LRRC15: variants seen among roughly 807,000 people sequenced by gnomAD.
LRRC15 encodes the protein leucine-rich repeat-containing protein 15.
A neutral mutation model predicts 4.3 loss-of-function variants in LRRC15; 5 were observed. The ratio of observed to expected loss-of-function variants is 1.16; its 90% CI spans 0.61 to 2.44. The LOEUF is 2.44. LRRC15 is among the 30% of genes most tolerant of loss of function. The probability of loss-of-function intolerance (pLI) is 0.01; values close to 1 mark genes in which losing one functional copy is unlikely to be tolerated. For missense variants in LRRC15, 769 were observed against 747.0 expected (o/e 1.03, Z -0.34); for synonymous variants, 337 against 323.2 (o/e 1.04, Z -0.46).
In LRRC15 at chr3:194,366,868, G is replaced by A. The variant is rs141570845; in HGVS notation, c.-4+2793C>T. Among the ~76,000 whole-genome samples the A allele has an allele frequency of 5.1e-3, 775 of 152,236 alleles. 4 individuals are homozygous for A. The highest frequency in any genetic ancestry group is 0.017 in the African/African-American group (690 of 41,538). ...AGACTTGCCCAAGGTCACACAGTCC[G>A]TTGGGGACTCCTGACACCCGATCAG... On this transcript the variant is annotated intron_variant, in intron 1 of 1. Coordinates refer to ENST00000347624, the MANE Select transcript of LRRC15 (RefSeq NM_130830.5).
At chr3:194,367,302 T>A (rs1713809802) in intron 1 of LRRC15, among the ~76,000 whole-genome samples, 1 of 151,758 alleles carries the variant, frequency 6.6e-6, no homozygotes, top group Non-Finnish European at 1.5e-5. Flanking sequence ...TTTATTTTTT[T>A]ATTTTTATTT....
intron 1 of LRRC15, among the ~76,000 whole-genome samples, chr3:194,368,695 C>T (rs938871661): frequency 4.6e-5 from 7 of 152,108 alleles, no homozygotes; most frequent in Non-Finnish European, 7.3e-5. Flanking sequence ...CTGGAGCACA[C>T]GTGTCATCTC....
rs780044136 is a variant in LRRC15, at chr3:194,360,035, A to G, written c.1009T>C (p.Phe337Leu). 6.2e-7 allele frequency: 1 copy of G among 1,614,216 alleles called. No homozygotes were observed. Among genetic ancestry groups the G allele is most frequent in the Non-Finnish European group, 8.5e-7 (1 of 1,180,038 alleles). The change falls in exon 2 of 2, where the codon TTC (phenylalanine) becomes CTC (leucine). Residue 337 changes from phenylalanine (F) to leucine (L), a missense_variant. Transcript: ENST00000347624. The stretch of plus-strand genomic sequence containing the variant: ...TCCCGAAGCTCCGTTAGCCCGTTGA[A>G]GGCACCCGGGGAGATGAAGCTGATC... ...NQISFISPGAFNGLTELRELS... is the reference protein window; with the variant it reads ...NQISFISPGALNGLTELRELS...
In LRRC15 at chr3:194,355,371, G is replaced by C. The variant is rs1241748615; in HGVS notation, c.*3927C>G. On this transcript the variant is annotated 3_prime_UTR_variant, in exon 2 of 2. Transcript: ENST00000347624. ...CACTCTACAAAACCCTGAGGGCCTA[G>C]AAATCTGTAAATGCATCGCCAAGCA... 1 of 152,250 alleles carries C rather than the reference G, an allele frequency of 6.6e-6. No individual in the cohort carries two copies. Among genetic ancestry groups the C allele is most frequent in the Non-Finnish European group, 1.5e-5 (1 of 68,052 alleles). The allele number at this position is 152,250 out of a possible 1,614,324, so 9.4% of individuals were successfully genotyped here.
rs368488576 is a variant in LRRC15 at position 194,359,342 on chromosome 3, T to G, written c.1702A>C (p.Ser568Arg). ...CVGCCCCKKRSQAVLMQMKAP... is the reference protein window; with the variant it reads ...CVGCCCCKKRRQAVLMQMKAP... ...TTCATCTGCATCAGGACAGCTTGGC[T>G]CCTCTTCTTGCAGCAGCAACAGCCG... Residue 568 changes from serine (S) to arginine (R), a missense_variant, in exon 2 of 2, where the codon AGC becomes CGC. Transcript: ENST00000347624. 1.2e-6 allele frequency: 2 copies of G among 1,613,160 alleles called. No individual in the cohort carries two copies. Among genetic ancestry groups the G allele is most frequent in the Non-Finnish European group, 8.5e-7 (1 of 1,179,588 alleles).
intron 1 of LRRC15, among the ~76,000 whole-genome samples, chr3:194,361,366 C>T (rs186583523): frequency 5.3e-5 from 8 of 152,358 alleles, no homozygotes; most frequent in Admixed American, 2.6e-4. Flanking sequence ...ATCAGTTACC[C>T]TTCCATGAAG....
rs3796153 is a variant in LRRC15, at chr3:194,356,764, T to G, written c.*2534A>C. ...AAGATTGGCAGGGCCCACCGGATGATGAGGTTTCCCACCTCCCTCCAGCCC... is the reference window on the plus strand; with the variant it reads ...AAGATTGGCAGGGCCCACCGGATGAGGAGGTTTCCCACCTCCCTCCAGCCC... On this transcript the variant is annotated 3_prime_UTR_variant, in exon 2 of 2. Transcript: ENST00000347624. 0.099 allele frequency: 15,050 copies of G among 152,330 alleles called. 846 individuals carry two copies. Among genetic ancestry groups the G allele is most frequent in the African/African-American group, 0.11 (4,450 of 41,546 alleles). 9.4% of individuals were successfully genotyped at this position (152,330 alleles called of 1,614,324 possible). A position where few individuals can be genotyped will look rare whatever the true frequency, so the allele number is the denominator to read the frequency against.
Position 194,360,764 on chromosome 3 carries a change from G to A in LRRC15, c.280C>T (p.Pro94Ser), listed in dbSNP as rs1713601967. 2 of 1,614,244 alleles carry A rather than the reference G, an allele frequency of 1.2e-6. No homozygotes were observed. The highest frequency in any genetic ancestry group is 1.7e-6 in the Non-Finnish European group (2 of 1,180,038). ...GAGCCCAGGTTTCGGAAGGCCCCAG[G>A]CGTGATGCGCGACAGCTCATTCTTC... ...IEKNELSRIT[P>S]GAFRNLGSLR... The change falls in exon 2 of 2, where the codon CCT (proline) becomes TCT (serine). Residue 94 changes from proline (P) to serine (S), a missense_variant. Physicochemically the swap from Pro to Ser is moderately conservative, Grantham distance 74. Coordinates refer to ENST00000347624, the MANE Select transcript of LRRC15 (RefSeq NM_130830.5).
rs150037790 is a variant in LRRC15, at chr3:194,362,293, G to A, written c.-3-1247C>T. Among the ~76,000 whole-genome samples the A allele has an allele frequency of 5.4e-3, 816 of 152,184 alleles. 9 individuals carry two copies. The highest frequency in any genetic ancestry group is 0.019 in the African/African-American group (798 of 41,506). ...GTGTGAAGAGGGGATGGTAACTCCC[G>A]CCCCGTTCTTGGGGCTGTTGTGAGG... On this transcript the variant is annotated intron_variant, in intron 1 of 1. Coordinates refer to ENST00000347624, the MANE Select transcript of LRRC15 (RefSeq NM_130830.5).
In LRRC15 at chr3:194,360,733, C is replaced by T. The variant is rs1247835173; in HGVS notation, c.311G>A (p.Arg104His). ...PGAFRNLGSL[R>H]YLSLANNKLQ... ...CTTGTTGTTGGCGAGGCTGAGATAGCGCAGCGAGCCCAGGTTTCGGAAGGC... is the reference window on the plus strand; with the variant it reads ...CTTGTTGTTGGCGAGGCTGAGATAGTGCAGCGAGCCCAGGTTTCGGAAGGC... Residue 104 changes from arginine (R) to histidine (H), a missense_variant, in exon 2 of 2, where the codon CGC (arginine) becomes CAC (histidine). Arg to His is a conservative substitution (Grantham distance 29, BLOSUM62 0). Transcript: ENST00000347624. 16 of 1,614,088 alleles carry T rather than the reference C, an allele frequency of 9.9e-6. No individual in the cohort carries two copies. Among genetic ancestry groups the T allele is most frequent in the Middle Eastern group, 1.6e-4 (1 of 6,084 alleles).
chr3:194,356,139 T>G lies in LRRC15; in HGVS notation c.*3159A>C, dbSNP rs1276210201. 6.6e-6 allele frequency: 1 copy of G among 152,218 alleles called. No homozygotes were observed. Among genetic ancestry groups the G allele is most frequent in the Non-Finnish European group, 1.5e-5 (1 of 68,044 alleles). 9.4% of individuals were successfully genotyped at this position (152,218 alleles called of 1,614,324 possible). A position where few individuals can be genotyped will look rare whatever the true frequency, so the allele number is the denominator to read the frequency against. The stretch of plus-strand genomic sequence containing the variant: ...ATTGAACACCATGCAGAAGAGCAAG[T>G]GCCTCTGTACCCCATCACAAGTGGG... On this transcript the variant is annotated 3_prime_UTR_variant, in exon 2 of 2. Coordinates refer to ENST00000347624, the MANE Select transcript of LRRC15 (RefSeq NM_130830.5).
intron 1 of LRRC15, among the ~76,000 whole-genome samples, chr3:194,362,549 A>G (rs142254395): frequency 2.8e-4 from 43 of 152,300 alleles, no homozygotes; most frequent in African/African-American, 9.9e-4. Context: ...AAGATGCAGC[A>G]ATCACTGCCG....
In LRRC15 at chr3:194,358,638, C is replaced by T. The variant is rs1713501457; in HGVS notation, c.*660G>A. 1 of 152,612 alleles carries T rather than the reference C, an allele frequency of 6.6e-6. No individual in the cohort carries two copies. Among genetic ancestry groups the T allele is most frequent in the Non-Finnish European group, 1.5e-5 (1 of 68,040 alleles). 9.5% of individuals were successfully genotyped at this position (152,612 alleles called of 1,614,324 possible). On this transcript the variant is annotated 3_prime_UTR_variant, in exon 2 of 2. Coordinates refer to ENST00000347624, the MANE Select transcript of LRRC15 (RefSeq NM_130830.5). ...AAGTGAGACACTGATGACGGCTCTT[C>T]TGTCTCCAGGAACTGAGCGGCATGA... is the stretch of plus-strand genomic sequence containing the variant.
At chr3:194,364,945 C>T (rs139558521) in intron 1 of LRRC15, among the ~76,000 whole-genome samples, 252 of 152,350 alleles carry the variant, frequency 1.7e-3, no homozygotes, top group African/African-American at 5.8e-3. Context: ...CAGCTGGGCC[C>T]TTGGATTCTC....
rs1332113639 is a variant in LRRC15 at position 194,357,076 on chromosome 3, C to T, written c.*2222G>A. The T allele has an allele frequency of 6.6e-6, 1 of 152,252 alleles. No homozygotes were observed. Among genetic ancestry groups the T allele is most frequent in the Non-Finnish European group, 1.5e-5 (1 of 68,080 alleles). The allele number at this position is 152,252 out of a possible 1,614,324, so 9.4% of individuals were successfully genotyped here. On this transcript the variant is annotated 3_prime_UTR_variant, in exon 2 of 2. Coordinates refer to ENST00000347624, the MANE Select transcript of LRRC15 (RefSeq NM_130830.5). The stretch of plus-strand genomic sequence containing the variant: ...GATGACATCTCTTGACTCTGACGGG[C>T]CTCATCTCTCCTAGATTCCCTGGGA...
Position 194,359,745 on chromosome 3 carries a change from C to A in LRRC15, c.1299G>T (p.Pro433=), listed in dbSNP as rs144761152. 748 of 1,614,110 alleles carry A rather than the reference C, an allele frequency of 4.6e-4. 4 individuals carry two copies. In the African/African-American group the frequency reaches 8.1e-3, roughly 17 times the overall value. The change falls in exon 2 of 2, where the codon CCG becomes CCT. Residue 433 remains proline (P), a synonymous_variant. Coordinates refer to ENST00000347624, the MANE Select transcript of LRRC15 (RefSeq NM_130830.5). Reference sequence around the variant, plus strand: ...GGTTGAGCAGGAGCCAGTTGCGGAGCGGAAGGATGTCTGAGTCACACCTCC... The same window carrying A: ...GGTTGAGCAGGAGCCAGTTGCGGAGAGGAAGGATGTCTGAGTCACACCTCC... ...NPWRCDSDIL[P]LRNWLLLNQP...
rs1713453139 is a variant in LRRC15 at position 194,357,198 on chromosome 3, C to A, written c.*2100G>T. ...GGAAGGGAAAACTGGTCAGCACGTG[C>A]TCCTGTGGCCCTGGAGGATGTCACA... is the stretch of plus-strand genomic sequence containing the variant. On this transcript the variant is annotated 3_prime_UTR_variant, in exon 2 of 2. Transcript: ENST00000347624. 6.6e-6 allele frequency: 1 copy of A among 152,274 alleles called. No homozygotes were observed. Among genetic ancestry groups the A allele is most frequent in the African/African-American group, 2.4e-5 (1 of 41,434 alleles). The allele number at this position is 152,274 out of a possible 1,614,324, so 9.4% of individuals were successfully genotyped here.
rs747632619 is a variant in LRRC15, at chr3:194,359,810, G to C, written c.1234C>G (p.Leu412Val). Residue 412 changes from leucine to valine, a missense_variant, in exon 2 of 2, where the codon CTG becomes GTG. Transcript: ENST00000347624. ...ENLPLGIFDH[L>V]GKLCELRLYD... is the part of the protein sequence containing the mutation. ...AGCCGCAGCTCACACAGTTTCCCCA[G>C]GTGATCGAAGATGCCGAGGGGCAAG... The C allele has an allele frequency of 1.6e-5, 26 of 1,614,008 alleles. No individual in the cohort carries two copies. In the Admixed American group the frequency reaches 4.3e-4, roughly 27 times the overall value.
chr3:194,369,194 G>A (rs116810703), intron 1 of LRRC15, among the ~76,000 whole-genome samples: 9 of 152,374 alleles, frequency 5.9e-5, no homozygotes, highest in South Asian at 4.1e-4. Context: ...AACCAAATGC[G>A]GGGCAGACCA....
Sources: gnomAD v4.1 joint callset for allele counts (sites outside exome capture counted in the v4.1 genomes callset) on GRCh38, gnomAD v4.1.1 for gene constraint, MANE v1.5 for transcripts, NCBI Gene and HGNC (gene_info 2026-07-23, HGNC 2026-07-21) for gene names.